The following SLC35F1 variants were observed in gnomAD, a reference collection of about 807,000 sequenced individuals.
SLC35F1 encodes chromosome 6 open reading frame 169.
Under a neutral mutation model 48.7 loss-of-function variants are expected in SLC35F1, and 14 were observed. The observed-to-expected ratio is 0.29, with a 90% CI of 0.19 to 0.45. The LOEUF (loss-of-function observed/expected upper bound fraction) is 0.45. SLC35F1 is among the 20% of genes least tolerant of loss of function. The probability of loss-of-function intolerance (pLI) is 1.00; values close to 1 mark genes in which losing one functional copy is unlikely to be tolerated. For synonymous variants in SLC35F1, 190 were observed against 202.2 expected, an observed-to-expected ratio of 0.94 and a Z score of 0.51; for missense variants, 404 against 500.0, an observed-to-expected ratio of 0.81 and a Z score of 1.83.
At chr6:118,271,402 G>C (rs1356236108) in intron 4 of SLC35F1, among the ~76,000 whole-genome samples, 1 of 152,134 alleles carries the variant, frequency 6.6e-6, no homozygotes, top group African/African-American at 2.4e-5. Flanking sequence ...ATTAGTGTAA[G>C]TGACTGCCCT....
chr6:118,196,641 G>A (rs906895114), intron 2 of SLC35F1, among the ~76,000 whole-genome samples: 1 of 151,912 alleles, frequency 6.6e-6, no homozygotes, highest in African/African-American at 2.4e-5. Flanking sequence ...ACTTGAACCC[G>A]GGAGGTAGAG....
intron 1 of SLC35F1, among the ~76,000 whole-genome samples, chr6:118,131,603 G>A (rs1002904038): frequency 2.6e-5 from 4 of 152,066 alleles, no homozygotes; most frequent in African/African-American, 9.7e-5. Context: ...TTCTCAGTTT[G>A]CACTGCCATC....
At chr6:117,939,874 C>T (rs186077120) in intron 1 of SLC35F1, among the ~76,000 whole-genome samples, 126 of 152,160 alleles carry the variant, frequency 8.3e-4, no homozygotes, top group African/African-American at 2.7e-3. Flanking sequence ...GGGGTCAGAG[C>T]GGTGGAGGGT....
At chr6:118,166,139 G>A (rs973822279) in intron 2 of SLC35F1, among the ~76,000 whole-genome samples, 1 of 151,492 alleles carries the variant, frequency 6.6e-6, no homozygotes, top group Non-Finnish European at 1.5e-5. Context: ...GTGGGGAGAG[G>A]AAAAAAATTA....
chr6:118,277,849 G>T (rs1775936283), intron 6 of SLC35F1, among the ~76,000 whole-genome samples: 1 of 152,188 alleles, frequency 6.6e-6, no homozygotes, highest in Non-Finnish European at 1.5e-5. Flanking sequence ...TGAGGCAGTG[G>T]TAGCACATAA....
At chr6:117,959,817 C>A (rs897508906) in intron 1 of SLC35F1, among the ~76,000 whole-genome samples, 4 of 151,794 alleles carry the variant, frequency 2.6e-5, no homozygotes, top group African/African-American at 7.3e-5. Context: ...TTTTTGATCC[C>A]CCTACTATGT....
At chr6:118,037,308 G>T (rs1314239228) in intron 1 of SLC35F1, among the ~76,000 whole-genome samples, 4 of 151,834 alleles carry the variant, frequency 2.6e-5, no homozygotes, top group Non-Finnish European at 5.9e-5. Context: ...CTTTTAATTG[G>T]GAAGTTTAGA....
At chr6:118,029,778 A>G (rs971962866) in intron 1 of SLC35F1, among the ~76,000 whole-genome samples, 2 of 152,216 alleles carry the variant, frequency 1.3e-5, no homozygotes, top group Non-Finnish European at 2.9e-5. Flanking sequence ...TTACTAAAAA[A>G]GTATGAATTT....
intron 7 of SLC35F1, among the ~76,000 whole-genome samples, chr6:118,294,417 G>A (rs1296190492): frequency 6.6e-6 from 1 of 152,170 alleles, no homozygotes; most frequent in Admixed American, 6.5e-5. Context: ...ATCGCGTGCT[G>A]AACATTCTTC....
chr6:118,071,866 A>G (rs1442964914), intron 1 of SLC35F1, among the ~76,000 whole-genome samples: 1 of 152,158 alleles, frequency 6.6e-6, no homozygotes. Context: ...TGTTTTGTCC[A>G]GAGATTCTGG....
chr6:118,205,382 G>A (rs1011830242), intron 2 of SLC35F1, among the ~76,000 whole-genome samples: 1 of 152,240 alleles, frequency 6.6e-6, no homozygotes, highest in Admixed American at 6.5e-5. Flanking sequence ...ATAGCTGATG[G>A]TCTGGCTTTT....
chr6:118,066,382 C>G (rs1213856908), intron 1 of SLC35F1, among the ~76,000 whole-genome samples: 1 of 152,096 alleles, frequency 6.6e-6, no homozygotes, highest in African/African-American at 2.4e-5. Flanking sequence ...ACCTCTAGGA[C>G]CTGAAGGCAT....
intron 1 of SLC35F1, among the ~76,000 whole-genome samples, chr6:118,040,946 T>G (rs1003245874): frequency 1.7e-4 from 26 of 152,132 alleles, no homozygotes; most frequent in Non-Finnish European, 1.6e-4. Flanking sequence ...CAGTTAGGTT[T>G]ATTTTAAAAT....
chr6:117,998,599 C>T (rs1412833605), intron 1 of SLC35F1, among the ~76,000 whole-genome samples: 2 of 147,676 alleles, frequency 1.4e-5, no homozygotes, highest in Non-Finnish European at 3.0e-5. Flanking sequence ...TGCAATCCAA[C>T]TAGAACTCAG....
At chr6:118,284,148 C>T (rs935689966) in intron 6 of SLC35F1, among the ~76,000 whole-genome samples, 4 of 152,114 alleles carry the variant, frequency 2.6e-5, no homozygotes, top group African/African-American at 7.2e-5. Flanking sequence ...TCAGAAAGAC[C>T]AGATATTCGG....
intron 1 of SLC35F1, among the ~76,000 whole-genome samples, chr6:117,947,084 G>A (rs963024484): frequency 1.3e-5 from 2 of 152,190 alleles, no homozygotes; most frequent in African/African-American, 4.8e-5. Flanking sequence ...ATTTGAATTG[G>A]AAGGGTAATA....
chr6:117,974,583 T>C (rs1776682807), intron 1 of SLC35F1, among the ~76,000 whole-genome samples: 1 of 152,210 alleles, frequency 6.6e-6, no homozygotes, highest in Non-Finnish European at 1.5e-5. Context: ...AAGAGATCTG[T>C]GACAGCTATT....
chr6:117,931,742 C>G (rs1281090183), intron 1 of SLC35F1, among the ~76,000 whole-genome samples: 3 of 152,158 alleles, frequency 2.0e-5, no homozygotes, highest in African/African-American at 7.2e-5. Context: ...GAAGTGCTTG[C>G]AGAGAGGTCT....
intron 1 of SLC35F1, among the ~76,000 whole-genome samples, chr6:118,077,083 AACT>A (rs1198055181): frequency 6.6e-6 from 1 of 152,228 alleles, no homozygotes; most frequent in East Asian, 1.9e-4. Context: ...ATCTTTGAAG[AACT>A]TACATCTTCC....
Sources: allele counts gnomAD v4.1 joint callset (sites outside exome capture counted in the v4.1 genomes callset), GRCh38; gene constraint gnomAD v4.1.1; transcripts MANE v1.5; gene names NCBI Gene and HGNC (gene_info 2026-07-23, HGNC 2026-07-21).